Variants in CNRIP1 observed in about 807,000 individuals in gnomAD.
CNRIP1 encodes the protein CB1 cannabinoid receptor-interacting protein 1.
In CNRIP1, 10 loss-of-function variants were observed where a neutral mutation model predicts 15.2. That is an observed-to-expected ratio of 0.66 (90% CI 0.41 to 1.12). The LOEUF (loss-of-function observed/expected upper bound fraction) is 1.12, where lower values mean the gene tolerates loss of function less well. Ranked by LOEUF, CNRIP1 falls within the 50% of genes most tolerant of loss-of-function variation. The pLI is 0.00. For missense variants in CNRIP1, 211 were observed against 214.7 expected (o/e 0.98, Z 0.11); for synonymous variants, 91 against 83.2 (o/e 1.09, Z -0.51).
At chr2:68,284,817 A>AG (rs1207447330) in intron 2 of CNRIP1, among the ~76,000 whole-genome samples, 1 of 151,546 alleles carries the variant, frequency 6.6e-6, no homozygotes, top group Non-Finnish European at 1.5e-5. Context: ...TCTCAAAAAA[A>AG]AAAAAAAAAA....
At chr2:68,301,779 C>T (rs998637448) in intron 2 of CNRIP1, among the ~76,000 whole-genome samples, 1 of 151,336 alleles carries the variant, frequency 6.6e-6, no homozygotes, top group African/African-American at 2.4e-5. Context: ...GTAGTCCCAG[C>T]TACTTGGGAG....
chr2:68,293,839 A>G lies in CNRIP1; in HGVS notation c.*23T>C. ...AAGTAGATTTCTGAAAAGATTGTCC[A>G]GTAGCATCAGAAAGAGCCACTTTCA... is the stretch of plus-strand genomic sequence containing the variant. On this transcript the variant is annotated 3_prime_UTR_variant, in exon 3 of 3. Transcript: ENST00000263655. The G allele has an allele frequency of 6.2e-7, 1 of 1,610,778 alleles. No homozygotes were observed. The highest frequency in any genetic ancestry group is 8.5e-7 in the Non-Finnish European group (1 of 1,177,414).
chr2:68,295,822 G>A (rs1671334877), intron 2 of CNRIP1, among the ~76,000 whole-genome samples: 1 of 152,166 alleles, frequency 6.6e-6, no homozygotes, highest in African/African-American at 2.4e-5. Flanking sequence ...GTGGTTACAT[G>A]GCTGTACATA....
downstream of CNRIP1, among the ~76,000 whole-genome samples, chr2:68,291,878 C>CAAAAA (rs527648471): frequency 1.2e-5 from 1 of 85,056 alleles, no homozygotes; most frequent in Non-Finnish European, 2.3e-5. Context: ...GACTCCATCT[C>CAAAAA]AAAAAAAAAA....
intron 2 of CNRIP1, among the ~76,000 whole-genome samples, chr2:68,310,421 C>T (rs1223833392): frequency 1.3e-5 from 2 of 152,148 alleles, no homozygotes; most frequent in African/African-American, 2.4e-5. Flanking sequence ...TATAAGCTCT[C>T]CAGTTCCTTG....
chr2:68,300,387 G>A lies in CNRIP1; in HGVS notation c.331-6361C>T, dbSNP rs185954513. ...CAATCCCAGCATTTTGGGAGGCCAAGGCAGGTGGATCACAAGGTCAGGAGT... is the reference window on the plus strand; with the variant it reads ...CAATCCCAGCATTTTGGGAGGCCAAAGCAGGTGGATCACAAGGTCAGGAGT... On this transcript the variant is annotated intron_variant, in intron 2 of 2. Coordinates refer to ENST00000263655, the MANE Select transcript of CNRIP1 (RefSeq NM_015463.3). 1.1e-3 allele frequency among the ~76,000 whole-genome samples: 168 copies of A among 152,282 alleles called. 1 individual carries two copies. Among genetic ancestry groups the A allele is most frequent in the African/African-American group, 3.8e-3 (157 of 41,556 alleles).
Position 68,293,203 on chromosome 2 carries a change from T to C in CNRIP1, c.*659A>G, listed in dbSNP as rs1558660869. On this transcript the variant is annotated 3_prime_UTR_variant, in exon 3 of 3. Transcript: ENST00000263655. ...GGTCCACAGCAATGCTTTTCCCCCA[T>C]TTCTACTAGGCTAGGCCATTGCACA... The C allele has an allele frequency of 6.1e-6, 6 of 985,356 alleles. No individual in the cohort carries two copies. Among genetic ancestry groups the C allele is most frequent in the Non-Finnish European group, 7.2e-6 (6 of 829,954 alleles). The allele number at this position is 985,356 out of a possible 1,614,324, so 61.0% of individuals were successfully genotyped here.
At position 68,284,387 on chromosome 2, in the gene CNRIP1, G is replaced by A. The variant is rs575038199; in HGVS notation, c.*41C>T. On this transcript the variant is annotated 3_prime_UTR_variant, in exon 3 of 3. Coordinates refer to the CNRIP1 transcript ENST00000409559. ...GCAAATAATTTGGAAAAAAAAAAAA[G>A]AACATTTGTTCCTCATGATGGCACA... 129 of 1,239,408 alleles carry A rather than the reference G, an allele frequency of 1.0e-4. No individual in the cohort carries two copies. The African/African-American group carries it at 1.7e-3, about 17-fold the overall frequency. 76.8% of individuals were successfully genotyped at this position (1,239,408 alleles called of 1,614,324 possible).
chr2:68,293,216 A>T lies in CNRIP1; in HGVS notation c.*646T>A. The T allele has an allele frequency of 1.3e-5, 13 of 985,496 alleles. No homozygotes were observed. Among genetic ancestry groups the T allele is most frequent in the Non-Finnish European group, 1.6e-5 (13 of 829,964 alleles). 61.0% of individuals were successfully genotyped at this position (985,496 alleles called of 1,614,324 possible). ...GCTTTTCCCCCATTTCTACTAGGCT[A>T]GGCCATTGCACAATACCTTAAGCTA... On this transcript the variant is annotated 3_prime_UTR_variant, in exon 3 of 3. Transcript: ENST00000263655.
chr2:68,300,477 C>T (rs1008437243), intron 2 of CNRIP1, among the ~76,000 whole-genome samples: 79 of 151,820 alleles, frequency 5.2e-4, no homozygotes, highest in African/African-American at 1.8e-3. Flanking sequence ...ATTAGCCGGG[C>T]GTGGTGGTGG....
At chr2:68,292,928 A>G, downstream of CNRIP1, 1 of 690,810 alleles carries the variant, frequency 1.4e-6, no homozygotes, top group Non-Finnish European at 1.8e-6. Flanking sequence ...CCTGTAGCAT[A>G]CAGGCCTGAG....
At position 68,293,786 on chromosome 2, in the gene CNRIP1, T is replaced by C. The variant is rs1558661167; in HGVS notation, c.*76A>G. The stretch of plus-strand genomic sequence containing the variant: ...GGAACAGCAATGGTGTGGCATGCCT[T>C]GTTTAAGGCCTGCGCTGGTTTATCT... On this transcript the variant is annotated 3_prime_UTR_variant, in exon 3 of 3. Coordinates refer to ENST00000263655, the MANE Select transcript of CNRIP1 (RefSeq NM_015463.3). 1 of 1,554,802 alleles carries C rather than the reference T, an allele frequency of 6.4e-7. No homozygotes were observed. Among genetic ancestry groups the C allele is most frequent in the Non-Finnish European group, 8.7e-7 (1 of 1,146,606 alleles).
intron 1 of CNRIP1, among the ~76,000 whole-genome samples, chr2:68,318,635 C>T (rs575208294): frequency 2.1e-4 from 32 of 152,312 alleles, no homozygotes; most frequent in African/African-American, 7.2e-4. Context: ...GAAACTAGGC[C>T]AGAGAAGGGG....
At chr2:68,286,333 C>A (rs1258188578) in intron 2 of CNRIP1, among the ~76,000 whole-genome samples, 4 of 152,072 alleles carry the variant, frequency 2.6e-5, no homozygotes, top group African/African-American at 9.7e-5. Context: ...CACACACACA[C>A]ACACACACAC....
chr2:68,303,705 A>G (rs570926869), intron 2 of CNRIP1, among the ~76,000 whole-genome samples: 1 of 152,342 alleles, frequency 6.6e-6, no homozygotes, highest in South Asian at 2.1e-4. Flanking sequence ...TTAATGTGAA[A>G]ATGATTCAGA....
At chr2:68,294,142 T>G in intron 2 of CNRIP1, 116 bp from the exon 3 acceptor site, 1 of 1,110,316 alleles carries the variant, frequency 9.0e-7, no homozygotes. Context: ...CCAGATTCTC[T>G]TGGTCTGCAA....
At chr2:68,319,123 G>T in intron 1 of CNRIP1, 99 bp downstream of exon 1, 1 of 1,266,778 alleles carries the variant, frequency 7.9e-7, no homozygotes, top group Non-Finnish European at 1.0e-6. Context: ...AGCGGCGCGA[G>T]GCCAGAGGCC....
At position 68,306,776 on chromosome 2, in the gene CNRIP1, AT is replaced by A. The variant is rs879587197; in HGVS notation, c.330+10380del. On this transcript the variant is annotated intron_variant, in intron 2 of 2. Coordinates refer to ENST00000263655, the MANE Select transcript of CNRIP1 (RefSeq NM_015463.3). ...AGCATGGGTGACAGAGCAAGACTCC[AT>A]TAAAAAAAAAAAAAAAAATTACAAA... Among the ~76,000 whole-genome samples, 447 of 109,228 alleles carry A rather than the reference AT, an allele frequency of 4.1e-3. 4 individuals carry two copies. In the South Asian group the frequency reaches 0.043, roughly 10 times the overall value. 71.7% of individuals were successfully genotyped at this position (109,228 alleles called of 152,430 possible). A position where few individuals can be genotyped will look rare whatever the true frequency, so the allele number is the denominator to read the frequency against.
At chr2:68,310,301 C>T (rs1293858375) in intron 2 of CNRIP1, among the ~76,000 whole-genome samples, 1 of 152,170 alleles carries the variant, frequency 6.6e-6, no homozygotes, top group Non-Finnish European at 1.5e-5. Flanking sequence ...GCATTCCAGC[C>T]TGGGCAACAA....
Sources: allele counts gnomAD v4.1 joint callset (sites outside exome capture counted in the v4.1 genomes callset), GRCh38; gene constraint gnomAD v4.1.1; transcripts MANE v1.5; gene names NCBI Gene and HGNC (gene_info 2026-07-23, HGNC 2026-07-21).